Variants in TLE1 observed in about 807,000 individuals in gnomAD.
TLE1 encodes transducin-like enhancer protein 1.
In TLE1, 21 loss-of-function variants were observed where a neutral mutation model predicts 89.8. The observed-to-expected ratio is 0.23, with a 90% CI of 0.17 to 0.34. The LOEUF (loss-of-function observed/expected upper bound fraction) is 0.34. Among genes scored for constraint, TLE1 ranks in the 10% least tolerant of loss-of-function variants. The pLI, the probability that TLE1 is intolerant of heterozygous loss-of-function variation, is 1.00. For synonymous variants in TLE1, 447 were observed against 407.6 expected (o/e 1.10, Z -1.16); for missense variants, 795 against 1,031.2 (o/e 0.77, Z 3.14).
In TLE1 at chr9:81,585,769, C is replaced by A; in HGVS notation, c.1978-114G>T. The A allele has an allele frequency of 2.2e-6, 3 of 1,366,688 alleles. No homozygotes were observed. The Admixed American group carries it at 6.4e-5, about 29-fold the overall frequency. 84.7% of individuals were successfully genotyped at this position (1,366,688 alleles called of 1,614,324 possible). ...AATGGGGGGAAGTAATCAGCCAAGT[C>A]CAGACTGTGGGGAGGTCCACAGGGC... On this transcript the variant is annotated intron_variant, in intron 17 of 19. Coordinates refer to ENST00000376499, the MANE Select transcript of TLE1 (RefSeq NM_005077.5).
chr9:81,644,443 A>C (rs1828564079), intron 6 of TLE1, among the ~76,000 whole-genome samples: 1 of 152,210 alleles, frequency 6.6e-6, no homozygotes, highest in South Asian at 2.1e-4. Context: ...AAACATGCTA[A>C]GTAAAAGAAG....
intron 11 of TLE1, among the ~76,000 whole-genome samples, chr9:81,614,263 TGAGA>T (rs1025110274): frequency 6.6e-6 from 1 of 151,886 alleles, no homozygotes; most frequent in African/African-American, 2.4e-5. Context: ...AGACAAATGG[TGAGA>T]GAGAGTGGGG....
intron 6 of TLE1, among the ~76,000 whole-genome samples, chr9:81,637,017 GAAAA>G (rs929080176): frequency 1.4e-5 from 2 of 143,624 alleles, no homozygotes; most frequent in African/African-American, 2.7e-5. Context: ...AAAAAAAAAA[GAAAA>G]AAGAAAAAAA....
At position 81,593,016 on chromosome 9, in the gene TLE1, T is replaced by A; in HGVS notation, c.1581+9A>T. ...AATTGCCCTTGTGCACCAGTTCCTG[T>A]TCACTCACCAGACAGTCGAGCTGGG... On this transcript the variant is annotated intron_variant, in intron 15 of 19. Transcript: ENST00000376499. The A allele has an allele frequency of 6.2e-7, 1 of 1,609,084 alleles. No homozygotes were observed. The highest frequency in any genetic ancestry group is 8.5e-7 in the Non-Finnish European group (1 of 1,175,898).
At chr9:81,661,375 C>A (rs1830778673) in intron 4 of TLE1, among the ~76,000 whole-genome samples, 1 of 151,850 alleles carries the variant, frequency 6.6e-6, no homozygotes, top group Admixed American at 6.6e-5. Context: ...ACTACACATA[C>A]AGTAGTGCAT....
chr9:81,655,057 A>C (rs553630678), intron 4 of TLE1, among the ~76,000 whole-genome samples: 1 of 152,132 alleles, frequency 6.6e-6, no homozygotes, highest in East Asian at 1.9e-4. Flanking sequence ...TGTCTATAGC[A>C]CGGGCTGTTT....
rs116542906 is a variant in TLE1 at position 81,604,008 on chromosome 9, A to G, written c.1331+6212T>C. Among the ~76,000 whole-genome samples the G allele has an allele frequency of 3.8e-3, 573 of 152,310 alleles. 1 individual carries two copies. The highest frequency in any genetic ancestry group is 0.013 in the African/African-American group (545 of 41,568). ...CAGAACGAGACTTTGTCTCAAAAAA[A>G]CAAAACAGAACAACAAAAAAAGGTG... On this transcript the variant is annotated intron_variant, in intron 14 of 19. Transcript: ENST00000376499.
At chr9:81,685,416 C>G (rs954041542) in intron 4 of TLE1, among the ~76,000 whole-genome samples, 1 of 152,186 alleles carries the variant, frequency 6.6e-6, no homozygotes, top group Admixed American at 6.5e-5. Flanking sequence ...AAACTCAAGT[C>G]TTAATTCCTA....
intron 14 of TLE1, among the ~76,000 whole-genome samples, chr9:81,609,345 A>T (rs1823409993): frequency 6.6e-6 from 1 of 152,172 alleles, no homozygotes; most frequent in South Asian, 2.1e-4. Flanking sequence ...TCAGCCTCCC[A>T]AAGTGCTAGG....
intron 14 of TLE1, among the ~76,000 whole-genome samples, chr9:81,603,989 G>A (rs957045309): frequency 3.3e-5 from 5 of 152,140 alleles, no homozygotes; most frequent in Non-Finnish European, 5.9e-5. Flanking sequence ...ATGACAGAAC[G>A]AGACTTTGTC....
At chr9:81,647,661 C>CAT (rs1829021337) in intron 6 of TLE1, among the ~76,000 whole-genome samples, 1 of 152,140 alleles carries the variant, frequency 6.6e-6, no homozygotes, top group African/African-American at 2.4e-5. Flanking sequence ...GTCAGGACCA[C>CAT]ATGTTCAGGG....
At chr9:81,614,227 C>T (rs1824116612) in intron 11 of TLE1, among the ~76,000 whole-genome samples, 1 of 152,162 alleles carries the variant, frequency 6.6e-6, no homozygotes, top group Admixed American at 6.5e-5. Flanking sequence ...CTTTTCAAGT[C>T]TCCTTTTTAG....
intron 4 of TLE1, among the ~76,000 whole-genome samples, chr9:81,658,452 A>G (rs1447645530): frequency 6.6e-6 from 1 of 152,092 alleles, no homozygotes; most frequent in Non-Finnish European, 1.5e-5. Flanking sequence ...AGCAAATAGG[A>G]GCAATAGAGG....
chr9:81,629,841 T>C (rs1289444427), intron 8 of TLE1, among the ~76,000 whole-genome samples: 1 of 152,232 alleles, frequency 6.6e-6, no homozygotes, highest in East Asian at 1.9e-4. Flanking sequence ...ACCACCATCA[T>C]ATATGCAATC....
chr9:81,633,260 G>A, intron 8 of TLE1, 88 bp downstream of exon 8: 1 of 1,596,892 alleles, frequency 6.3e-7, no homozygotes, highest in Non-Finnish European at 8.5e-7. Flanking sequence ...GTCTGTGCCT[G>A]TGTGGAGAAG....
intron 8 of TLE1, among the ~76,000 whole-genome samples, chr9:81,632,220 T>TC (rs1170519433): frequency 1.3e-5 from 2 of 151,992 alleles, no homozygotes; most frequent in Non-Finnish European, 2.9e-5. Context: ...TAATTTTTTG[T>TC]CCCCCCAATC....
chr9:81,665,056 C>T (rs1831290846), intron 4 of TLE1, among the ~76,000 whole-genome samples: 1 of 152,174 alleles, frequency 6.6e-6, no homozygotes, highest in African/African-American at 2.4e-5. Context: ...AAATAACTTG[C>T]CTAAGATCAG....
intron 6 of TLE1, among the ~76,000 whole-genome samples, chr9:81,642,556 T>A (rs7855913): frequency 6.7e-6 from 1 of 149,514 alleles, no homozygotes; most frequent in South Asian, 2.1e-4. Flanking sequence ...TAGCCAGGCA[T>A]GGTGGTGGGT....
chr9:81,587,663 C>T lies in TLE1; in HGVS notation c.1977+18G>A, dbSNP rs779407462. ...GCCACCTCCCAGACTCCAGGGCAGG[C>T]GGAAGCCACTCAGTCACCTGGGAGG... is the stretch of plus-strand genomic sequence containing the variant. On this transcript the variant is annotated intron_variant, in intron 17 of 19. Coordinates refer to ENST00000376499, the MANE Select transcript of TLE1 (RefSeq NM_005077.5). The T allele has an allele frequency of 3.2e-5, 51 of 1,600,676 alleles. No individual in the cohort carries two copies. In the Admixed American group the frequency reaches 3.4e-4, roughly 11 times the overall value.
Sources: gnomAD v4.1 joint callset for allele counts (sites outside exome capture counted in the v4.1 genomes callset) on GRCh38, gnomAD v4.1.1 for gene constraint, MANE v1.5 for transcripts, NCBI Gene and HGNC (gene_info 2026-07-23, HGNC 2026-07-21) for gene names.